Variants in NDUFAF6 observed in about 807,000 individuals in gnomAD.
NDUFAF6 encodes the protein NADH dehydrogenase (ubiquinone) complex I, assembly factor 6.
In NDUFAF6, 45 loss-of-function variants were observed where a neutral mutation model predicts 40.8. The observed-to-expected ratio is 1.10, with a 90% confidence interval of 0.87 to 1.42. NDUFAF6 has a LOEUF of 1.42. NDUFAF6 is among the 40% of genes most tolerant of loss of function. The pLI is 0.00. For missense variants in NDUFAF6, 435 were observed against 418.5 expected (o/e 1.04, Z -0.34); for synonymous variants, 185 against 155.9 (o/e 1.19, Z -1.39).
chr8:95,083,944 A>T (rs1808959818), intron 2 of NDUFAF6, among the ~76,000 whole-genome samples: 1 of 152,218 alleles, frequency 6.6e-6, no homozygotes, highest in Non-Finnish European at 1.5e-5. Context: ...AAAATCACAG[A>T]ACCCCTGACT....
chr8:95,105,578 AG>A (rs1384072264), downstream of NDUFAF6, among the ~76,000 whole-genome samples: 3 of 152,164 alleles, frequency 2.0e-5, no homozygotes, highest in African/African-American at 7.2e-5. Flanking sequence ...TCTATTGCCC[AG>A]GCTGGAGTGC....
chr8:95,058,560 G>T lies in NDUFAF6; in HGVS notation c.*623G>T. On this transcript the variant is annotated 3_prime_UTR_variant, in exon 9 of 9. Coordinates refer to ENST00000396124, the MANE Select transcript of NDUFAF6 (RefSeq NM_152416.4). ...CTTAATTTGACTTTAGCTCTGGCTG[G>T]TCTGGAAGCTTTTACTTTTTTGTTA... 2 of 1,214,716 alleles carry T rather than the reference G, an allele frequency of 1.6e-6. No homozygotes were observed. Among genetic ancestry groups the T allele is most frequent in the Non-Finnish European group, 2.0e-6 (2 of 977,970 alleles). The allele number at this position is 1,214,716 out of a possible 1,614,324, so 75.2% of individuals were successfully genotyped here.
At chr8:95,041,676 T>A in intron 4 of NDUFAF6, 50 bp downstream of exon 4, 1 of 1,418,266 alleles carries the variant, frequency 7.1e-7, no homozygotes, top group Non-Finnish European at 1.0e-6. Context: ...GTTTAATTCT[T>A]AAGCTAATTC....
chr8:95,062,812 G>GTAT (rs1239133717), downstream of NDUFAF6, among the ~76,000 whole-genome samples: 1 of 152,184 alleles, frequency 6.6e-6, no homozygotes, highest in Non-Finnish European at 1.5e-5. Flanking sequence ...AGAACCTAAA[G>GTAT]TAGATCCTGT....
chr8:95,075,570 G>A (rs1015218420), intron 9 of NDUFAF6: 1 of 1,256,198 alleles, frequency 8.0e-7, no homozygotes, highest in African/African-American at 1.5e-5. Context: ...TCGGGGCATG[G>A]GAATGTTTCC....
chr8:95,033,552 A>G (rs973858873), intron 2 of NDUFAF6, among the ~76,000 whole-genome samples: 1 of 152,200 alleles, frequency 6.6e-6, no homozygotes, highest in Non-Finnish European at 1.5e-5. Flanking sequence ...TCTGCACTCA[A>G]TGAACAAATA....
At chr8:95,095,665 CTTT>C (rs11352275), upstream of NDUFAF6, among the ~76,000 whole-genome samples, 1 of 146,842 alleles carries the variant, frequency 6.8e-6, no homozygotes, top group Non-Finnish European at 1.5e-5. Context: ...GATCATTTCG[CTTT>C]TTTTTTTTTT....
At chr8:95,066,772 C>T (rs774960114) in intron 9 of NDUFAF6, 3 of 152,212 alleles carry the variant, frequency 2.0e-5, no homozygotes, top group Non-Finnish European at 4.4e-5. Flanking sequence ...AGTTAGCACG[C>T]TTCTGAGCAA....
chr8:95,105,064 CACA>C, downstream of NDUFAF6, among the ~76,000 whole-genome samples: 1 of 105,746 alleles, frequency 9.5e-6, no homozygotes, highest in Admixed American at 9.5e-5. Context: ...CACACACACA[CACA>C]GAGAGAGAGA....
chr8:95,026,880 GC>G lies in NDUFAF6; in HGVS notation c.197+1676del, dbSNP rs1232808285. Among the ~76,000 whole-genome samples, 5 of 151,200 alleles carry G rather than the reference GC, an allele frequency of 3.3e-5. No homozygotes were observed. The East Asian group carries it at 9.9e-4, about 30-fold the overall frequency. Reference sequence around the variant, plus strand: ...CTGGGCAACATAGCGGGATGCTGTTGCTACAAAAAATAAAAAAATTAGCTGG... The same window carrying G: ...CTGGGCAACATAGCGGGATGCTGTTGTACAAAAAATAAAAAAATTAGCTGG... On this transcript the variant is annotated intron_variant, in intron 1 of 8. Transcript: ENST00000396124.
chr8:94,933,475 T>C (rs1820632914), intron 1 of NDUFAF6, among the ~76,000 whole-genome samples: 2 of 152,006 alleles, frequency 1.3e-5, no homozygotes, highest in South Asian at 4.1e-4. Context: ...TATAAAATAG[T>C]ATATCTGGGC....
intron 1 of NDUFAF6, 58 bp from the exon 2 acceptor site, chr8:95,031,937 T>G: frequency 6.6e-7 from 1 of 1,515,368 alleles, no homozygotes; most frequent in South Asian, 1.1e-5. Flanking sequence ...TTAGTCAGTA[T>G]TTTTTTGTGC....
chr8:94,937,640 A>AT (rs553902167), intron 1 of NDUFAF6, among the ~76,000 whole-genome samples: 7 of 150,944 alleles, frequency 4.6e-5, no homozygotes, highest in African/African-American at 9.7e-5. Flanking sequence ...ACATCACCTC[A>AT]TTTTTTTTTC....
intron 1 of NDUFAF6, among the ~76,000 whole-genome samples, chr8:94,904,833 G>A (rs1317593056): frequency 6.6e-6 from 1 of 151,662 alleles, no homozygotes; most frequent in Non-Finnish European, 1.5e-5. Context: ...TTTCTGCTTT[G>A]TCATCTTCCT....
intron 1 of NDUFAF6, among the ~76,000 whole-genome samples, chr8:94,914,196 C>T (rs189036522): frequency 1.2e-4 from 16 of 134,700 alleles, no homozygotes; most frequent in Non-Finnish European, 1.5e-5. Context: ...TATTTGATGT[C>T]GGTTTTATAG....
At chr8:94,974,814 C>T (rs192410083) in intron 1 of NDUFAF6, 281 of 162,260 alleles carry the variant, frequency 1.7e-3, no homozygotes, top group Non-Finnish European at 2.8e-3. Context: ...TCTCAAAGGA[C>T]GTCCCTTTCC....
At chr8:94,917,944 C>T (rs970436803) in intron 1 of NDUFAF6, among the ~76,000 whole-genome samples, 2 of 152,186 alleles carry the variant, frequency 1.3e-5, no homozygotes, top group Non-Finnish European at 2.9e-5. Context: ...CATGGTCCCT[C>T]TGGGGGCTGT....
At chr8:95,018,543 G>A (rs1475081165) in intron 2 of NDUFAF6, among the ~76,000 whole-genome samples, 1 of 151,482 alleles carries the variant, frequency 6.6e-6, no homozygotes, top group Non-Finnish European at 1.5e-5. Flanking sequence ...TCCTCAAGGT[G>A]CTCCCAATCT....
chr8:95,078,546 T>C (rs1488922476), downstream of NDUFAF6: 1 of 151,578 alleles, frequency 6.6e-6, no homozygotes, highest in African/African-American at 2.4e-5. Context: ...CTCCGGAGGC[T>C]CAGTGGGGAG....
Sources: gnomAD v4.1 joint callset for allele counts (sites outside exome capture counted in the v4.1 genomes callset) on GRCh38, gnomAD v4.1.1 for gene constraint, MANE v1.5 for transcripts, NCBI Gene and HGNC (gene_info 2026-07-23, HGNC 2026-07-21) for gene names.